The following BUB1 variants were observed in gnomAD, a reference collection of about 807,000 sequenced individuals.
BUB1 encodes mitotic checkpoint serine/threonine-protein kinase BUB1.
In BUB1, 84 loss-of-function variants were observed where a neutral mutation model predicts 135.2. The ratio of observed to expected loss-of-function variants is 0.62; its 90% CI spans 0.52 to 0.74. The LOEUF is 0.74. Among genes scored for constraint, BUB1 ranks in the 30% least tolerant of loss-of-function variants. The probability of loss-of-function intolerance (pLI) is 0.00; values close to 1 mark genes in which losing one functional copy is unlikely to be tolerated. For missense variants in BUB1, 1,162 were observed against 1,288.3 expected, an observed-to-expected ratio of 0.90 and a Z score of 1.50; for synonymous variants, 403 against 434.4, an observed-to-expected ratio of 0.93 and a Z score of 0.90.
chr2:110,662,288 G>A (rs1690122007), intron 9 of BUB1, among the ~76,000 whole-genome samples: 2 of 152,154 alleles, frequency 1.3e-5, no homozygotes, highest in East Asian at 1.9e-4. Context: ...ACTTTTCATA[G>A]CCGTTTTCAC....
Position 110,664,846 on chromosome 2 carries a change from A to G in BUB1, c.957+1417T>C, listed in dbSNP as rs566447886. Among the ~76,000 whole-genome samples the G allele has an allele frequency of 8.5e-5, 13 of 152,370 alleles. No individual in the cohort carries two copies. In the East Asian group the frequency reaches 2.3e-3, roughly 27 times the overall value. Reference sequence around the variant, plus strand: ...AAAGGAAAGAAGTTAAACAGCCACGAAATGTATCCAAAAAATGTCCAAATC... The same window carrying G: ...AAAGGAAAGAAGTTAAACAGCCACGGAATGTATCCAAAAAATGTCCAAATC... On this transcript the variant is annotated intron_variant, in intron 9 of 24. Transcript: ENST00000302759.
intron 19 of BUB1, among the ~76,000 whole-genome samples, chr2:110,643,469 C>A (rs1315129764): frequency 3.3e-5 from 5 of 152,186 alleles, no homozygotes; most frequent in African/African-American, 1.2e-4. Context: ...TGAAAGCTCA[C>A]ACTAAAGGTC....
chr2:110,638,978 C>T (rs1369279788), intron 24 of BUB1, among the ~76,000 whole-genome samples: 1 of 151,844 alleles, frequency 6.6e-6, no homozygotes, highest in African/African-American at 2.4e-5. Flanking sequence ...GAGGTTCCTA[C>T]TCTTACGTTT....
chr2:110,674,469 T>C (rs1469820741), intron 1 of BUB1, 104 bp from the exon 2 acceptor site: 14 of 980,550 alleles, frequency 1.4e-5, no homozygotes, highest in South Asian at 7.5e-5. Flanking sequence ...AAAACAAAAA[T>C]CTTAAATATC....
rs5833370 is a variant in BUB1 at position 110,637,585 on chromosome 2, A to AGTGTGTGTGT, written c.*369_*378dup. ...TGAAGTCCCTTGGAAATGTTAGGGA[A>AGTGTGTGTGT]GTGTGTGTGTGTGTGTGTGTGTGTG... On this transcript the variant is annotated 3_prime_UTR_variant, in exon 25 of 25. Coordinates refer to ENST00000302759, the MANE Select transcript of BUB1 (RefSeq NM_004336.5). The AGTGTGTGTGT allele has an allele frequency of 0.082, 12,065 of 147,526 alleles. 525 individuals carry two copies. Among genetic ancestry groups the AGTGTGTGTGT allele is most frequent in the Middle Eastern group, 0.13 (40 of 298 alleles). 9.1% of individuals were successfully genotyped at this position (147,526 alleles called of 1,614,324 possible).
chr2:110,646,881 T>C (rs1187013178), intron 19 of BUB1, among the ~76,000 whole-genome samples: 1 of 151,668 alleles, frequency 6.6e-6, no homozygotes, highest in African/African-American at 2.4e-5. Context: ...ATAAAAGAAA[T>C]AAACATTACA....
chr2:110,638,970 G>C (rs144655737), intron 24 of BUB1, among the ~76,000 whole-genome samples: 1 of 151,630 alleles, frequency 6.6e-6, no homozygotes, highest in Non-Finnish European at 1.5e-5. Flanking sequence ...TCACAGATGA[G>C]GTTCCTACTC....
At chr2:110,654,617 T>C (rs1456250011) in intron 16 of BUB1, among the ~76,000 whole-genome samples, 1 of 151,130 alleles carries the variant, frequency 6.6e-6, no homozygotes, top group South Asian at 2.1e-4. Flanking sequence ...TTTTCCTGGA[T>C]GGAAAAGGCT....
At chr2:110,638,248 G>T (rs1574311433) in intron 24 of BUB1, 89 bp from the exon 25 acceptor site, 1 of 1,052,468 alleles carries the variant, frequency 9.5e-7, no homozygotes, top group Non-Finnish European at 1.3e-6. Flanking sequence ...CCACAGGCTT[G>T]GACAGTTTAG....
chr2:110,651,136 G>A (rs1446230202), intron 17 of BUB1, among the ~76,000 whole-genome samples: 1 of 152,112 alleles, frequency 6.6e-6, no homozygotes, highest in Non-Finnish European at 1.5e-5. Context: ...AAAAATGGCT[G>A]CTTTTATAAC....
intron 8 of BUB1, 137 bp from the exon 9 acceptor site, chr2:110,666,551 T>A: frequency 1.6e-6 from 1 of 628,886 alleles, no homozygotes; most frequent in Non-Finnish European, 2.3e-6. Flanking sequence ...GTTTTAGAAG[T>A]GAAACTTGTA....
intron 1 of BUB1, 149 bp downstream of exon 1, chr2:110,677,821 A>G (rs778944731): frequency 2.5e-5 from 23 of 925,592 alleles, no homozygotes; most frequent in Non-Finnish European, 3.3e-5. Context: ...CCGGCTCTCA[A>G]GCAGCCCACG....
At position 110,672,697 on chromosome 2, in the gene BUB1, T is replaced by A. The variant is rs188663063; in HGVS notation, c.386A>T (p.Gln129Leu). 1 of 1,607,912 alleles carries A rather than the reference T, an allele frequency of 6.2e-7. No homozygotes were observed. Among genetic ancestry groups the A allele is most frequent in the East Asian group, 2.2e-5 (1 of 44,752 alleles). ...SAVLQRGIQN[Q>L]AEPREFLQQQ... Reference sequence around the variant, plus strand: ...TTGCAGGAACTCTCTGGGTTCAGCCTGGTTTTGAATTCCTCTCTGAAGGAC... The same window carrying A: ...TTGCAGGAACTCTCTGGGTTCAGCCAGGTTTTGAATTCCTCTCTGAAGGAC... Residue 129 changes from glutamine (Q) to leucine (L), a missense_variant, in exon 4 of 25, where the codon CAG becomes CTG. Gln to Leu is a moderately radical substitution (Grantham distance 113, BLOSUM62 -2). Coordinates refer to ENST00000302759, the MANE Select transcript of BUB1 (RefSeq NM_004336.5).
In BUB1 at chr2:110,650,680, T is replaced by C. The variant is rs769813047; in HGVS notation, c.2069A>G (p.Glu690Gly). ...GCAAGCCTCAACGCCCAACTCTGCC[T>C]CACAGGTAAGTACCCCACCTGCAGC... ...QPAAGGVLTC[E>G]AELGVEACRL... Residue 690 changes from glutamate to glycine, a missense_variant, in exon 18 of 25, where the codon GAG becomes GGG. Glu to Gly is a moderately conservative substitution (Grantham distance 98, BLOSUM62 -2). Coordinates refer to ENST00000302759, the MANE Select transcript of BUB1 (RefSeq NM_004336.5). 1 of 1,614,004 alleles carries C rather than the reference T, an allele frequency of 6.2e-7. No homozygotes were observed.
intron 13 of BUB1, 32 bp downstream of exon 13, chr2:110,658,378 T>C (rs755617959): frequency 6.5e-7 from 1 of 1,539,006 alleles, no homozygotes; most frequent in Admixed American, 1.7e-5. Flanking sequence ...CCTATAATGC[T>C]ATGCACTTAG....
rs1689449721 is a variant in BUB1 at position 110,639,667 on chromosome 2, T to C, written c.3062+75A>G. 4.1e-6 allele frequency: 5 copies of C among 1,222,628 alleles called. No homozygotes were observed. In the African/African-American group the frequency reaches 7.6e-5, roughly 19 times the overall value. The allele number at this position is 1,222,628 out of a possible 1,614,324, so 75.7% of individuals were successfully genotyped here. A position where few individuals can be genotyped will look rare whatever the true frequency, so the allele number is the denominator to read the frequency against. ...CATGCGGTGGCAGAGATCCTTTTTT[T>C]TTTTTTGCCAGATGGAACCCAACAT... On this transcript the variant is annotated intron_variant, in intron 24 of 24. Coordinates refer to ENST00000302759, the MANE Select transcript of BUB1 (RefSeq NM_004336.5).
intron 4 of BUB1, among the ~76,000 whole-genome samples, chr2:110,670,956 A>C (rs1321712800): frequency 6.6e-6 from 1 of 152,246 alleles, no homozygotes; most frequent in East Asian, 1.9e-4. Context: ...GTGAAAGTAC[A>C]AAAGTACTTA....
intron 4 of BUB1, among the ~76,000 whole-genome samples, chr2:110,671,852 A>G (rs866354522): frequency 6.6e-6 from 1 of 152,196 alleles, no homozygotes; most frequent in Non-Finnish European, 1.5e-5. Flanking sequence ...CGTTTTCTGT[A>G]TTTTCACAAT....
At chr2:110,669,691 T>C in intron 5 of BUB1, 138 bp from the exon 6 acceptor site, 1 of 563,284 alleles carries the variant, frequency 1.8e-6, no homozygotes. Context: ...TCTCAGAAAT[T>C]TCAACTAAAA....
Sources: gnomAD v4.1 joint callset for allele counts (sites outside exome capture counted in the v4.1 genomes callset) on GRCh38, gnomAD v4.1.1 for gene constraint, MANE v1.5 for transcripts, NCBI Gene and HGNC (gene_info 2026-07-23, HGNC 2026-07-21) for gene names.